FGF12: variants seen among roughly 807,000 people sequenced by gnomAD.
FGF12 encodes the protein fibroblast growth factor 12.
FGF12 carries 14 observed loss-of-function variants against 23.6 expected under a neutral mutation model. That is an observed-to-expected ratio of 0.59 (90% CI 0.39 to 0.93). The LOEUF is 0.93. FGF12 is among the 40% of genes least tolerant of loss of function. The pLI is 0.00. For synonymous variants in FGF12, 62 were observed against 77.3 expected (o/e 0.80, Z 1.04); for missense variants, 175 against 217.8 (o/e 0.80, Z 1.24).
chr3:192,303,281 T>A (rs987402804), intron 4 of FGF12, among the ~76,000 whole-genome samples: 2 of 152,184 alleles, frequency 1.3e-5, no homozygotes, highest in African/African-American at 4.8e-5. Flanking sequence ...AGAGATTTTG[T>A]CACGTTAGTA....
In FGF12 at chr3:192,144,083, G is replaced by GT; in HGVS notation, c.471dup (p.Gln158ThrfsTer51). The GT allele has an allele frequency of 6.2e-7, 1 of 1,613,646 alleles. No individual in the cohort carries two copies. Among genetic ancestry groups the GT allele is most frequent in the South Asian group, 1.1e-5 (1 of 91,076 alleles). On this transcript the variant is annotated frameshift_variant, in exon 6 of 6. Transcript: ENST00000445105. LOFTEE classifies it high-confidence loss of function. ...CCAGAACTTTTCCTTGAACGCCCTTGTTTTTCTCCAATTTCATGTAGCGAT... is the reference window on the plus strand; with the variant it reads ...CCAGAACTTTTCCTTGAACGCCCTTGTTTTTTCTCCAATTTCATGTAGCGAT...
intron 2 of FGF12, among the ~76,000 whole-genome samples, chr3:192,461,254 T>C (rs1161990265): frequency 6.6e-6 from 1 of 152,158 alleles, no homozygotes; most frequent in Non-Finnish European, 1.5e-5. Flanking sequence ...ATGATCCACA[T>C]GCACACCTCC....
chr3:192,139,749 A>G lies in FGF12; in HGVS notation c.*4260T>C, dbSNP rs1216522528. ...TGCTTCCGTCTGTTACTAAAGCTCA[A>G]TACATCATTCTGAACATTATTAATT... On this transcript the variant is annotated 3_prime_UTR_variant, in exon 6 of 6. Coordinates refer to ENST00000445105, the MANE Select transcript of FGF12 (RefSeq NM_004113.6). 6.6e-6 allele frequency: 1 copy of G among 152,086 alleles called. No individual in the cohort carries two copies. The highest frequency in any genetic ancestry group is 1.5e-5 in the Non-Finnish European group (1 of 67,964). The allele number at this position is 152,086 out of a possible 1,614,324, so 9.4% of individuals were successfully genotyped here. A position where few individuals can be genotyped will look rare whatever the true frequency, so the allele number is the denominator to read the frequency against.
At chr3:192,340,074 C>G (rs1231371703) in intron 3 of FGF12, among the ~76,000 whole-genome samples, 1 of 152,032 alleles carries the variant, frequency 6.6e-6, no homozygotes, top group Non-Finnish European at 1.5e-5. Flanking sequence ...CTGAGTGCTT[C>G]TAGTAATTTG....
intron 2 of FGF12, among the ~76,000 whole-genome samples, chr3:192,667,726 T>C (rs972636181): frequency 2.0e-5 from 3 of 148,918 alleles, no homozygotes; most frequent in Non-Finnish European, 3.0e-5. Flanking sequence ...TGAAACAGCA[T>C]AGAGTATCTG....
At chr3:192,623,250 G>A (rs769871785) in intron 2 of FGF12, among the ~76,000 whole-genome samples, 12 of 152,144 alleles carry the variant, frequency 7.9e-5, no homozygotes, top group African/African-American at 1.7e-4. Flanking sequence ...GAGCACAGAG[G>A]GGGGTATCAT....
chr3:192,144,872 T>C (rs538149923), intron 5 of FGF12, among the ~76,000 whole-genome samples: 1 of 152,332 alleles, frequency 6.6e-6, no homozygotes, highest in East Asian at 1.9e-4. Flanking sequence ...ATTCAAGTTA[T>C]TCTTACAAAA....
chr3:192,598,781 C>T (rs958096995), intron 2 of FGF12, among the ~76,000 whole-genome samples: 1 of 152,106 alleles, frequency 6.6e-6, no homozygotes, highest in Non-Finnish European at 1.5e-5. Flanking sequence ...ATTTCAAATC[C>T]AAAGAGTGGA....
intron 2 of FGF12, among the ~76,000 whole-genome samples, chr3:192,530,261 A>G (rs1725053024): frequency 6.6e-6 from 1 of 152,146 alleles, no homozygotes; most frequent in Admixed American, 6.5e-5. Flanking sequence ...CATTTACTGG[A>G]TGAGACGACT....
At chr3:192,573,247 A>G (rs1272281330) in intron 2 of FGF12, among the ~76,000 whole-genome samples, 1 of 152,186 alleles carries the variant, frequency 6.6e-6, no homozygotes, top group East Asian at 1.9e-4. Context: ...GAGCTTAAAA[A>G]AAAAAAAGGA....
intron 2 of FGF12, among the ~76,000 whole-genome samples, chr3:192,573,256 G>T (rs986521441): frequency 7.3e-4 from 111 of 151,370 alleles, no homozygotes; most frequent in African/African-American, 2.5e-3. Context: ...AAAAAAAAAG[G>T]ATAGTCAATA....
At chr3:192,322,137 A>T (rs961819050) in intron 4 of FGF12, among the ~76,000 whole-genome samples, 6 of 152,186 alleles carry the variant, frequency 3.9e-5, no homozygotes, top group African/African-American at 1.4e-4. Context: ...CAGGGTACAA[A>T]ATCAACATAC....
chr3:192,542,270 G>A (rs181815527), intron 2 of FGF12, among the ~76,000 whole-genome samples: 127 of 152,110 alleles, frequency 8.3e-4, no homozygotes, highest in Non-Finnish European at 1.5e-4. Context: ...GATTTATTCT[G>A]CTGATAAGAG....
chr3:192,201,891 A>G (rs1293473069), intron 4 of FGF12, among the ~76,000 whole-genome samples: 2 of 152,210 alleles, frequency 1.3e-5, no homozygotes, highest in African/African-American at 4.8e-5. Flanking sequence ...ATATACACAT[A>G]AACCTCTGGG....
rs189210962 is a variant in FGF12 at position 192,687,357 on chromosome 3, G to A, written c.13+39824C>T. ...TCTTGGTGGCAGTGAAGACTCTCAC[G>A]CCCCACACATGGCACATATTCCATA... On this transcript the variant is annotated intron_variant, in intron 2 of 5. Coordinates refer to ENST00000445105, the MANE Select transcript of FGF12 (RefSeq NM_004113.6). Among the ~76,000 whole-genome samples the A allele has an allele frequency of 4.9e-4, 75 of 151,926 alleles. 1 individual carries two copies. Among genetic ancestry groups the A allele is most frequent in the African/African-American group, 1.7e-3 (69 of 41,418 alleles).
At position 192,595,590 on chromosome 3, in the gene FGF12, C is replaced by T. The variant is rs544746109; in HGVS notation, c.13+131591G>A. 5.3e-5 allele frequency among the ~76,000 whole-genome samples: 8 copies of T among 152,332 alleles called. No homozygotes were observed. In the South Asian group the frequency reaches 1.7e-3, roughly 32 times the overall value. On this transcript the variant is annotated intron_variant, in intron 2 of 5. Coordinates refer to ENST00000445105, the MANE Select transcript of FGF12 (RefSeq NM_004113.6). ...CTGGGCTACACCCCAGAGTATCTGA[C>T]TCAGTAGGCCTGGGGTGAGACTCAA...
chr3:192,372,391 T>TCACACACACA (rs58664869), intron 2 of FGF12, among the ~76,000 whole-genome samples: 2,773 of 149,052 alleles, frequency 0.019, 72 homozygotes, highest in African/African-American at 0.062. Flanking sequence ...TTTCATACCA[T>TCACACACACA]CACACACACA....
At chr3:192,170,199 C>T (rs555154212) in intron 5 of FGF12, among the ~76,000 whole-genome samples, 1 of 138,664 alleles carries the variant, frequency 7.2e-6, no homozygotes, top group South Asian at 2.4e-4. Flanking sequence ...AGGAGAATTG[C>T]TCGAATCCGG....
intron 4 of FGF12, among the ~76,000 whole-genome samples, chr3:192,308,099 T>C (rs987515574): frequency 6.6e-6 from 1 of 152,152 alleles, no homozygotes; most frequent in Non-Finnish European, 1.5e-5. Context: ...ATTATAATAC[T>C]AATGAAAAAA....
Sources: gnomAD v4.1 joint callset for allele counts (sites outside exome capture counted in the v4.1 genomes callset) on GRCh38, gnomAD v4.1.1 for gene constraint, MANE v1.5 for transcripts, NCBI Gene and HGNC (gene_info 2026-07-23, HGNC 2026-07-21) for gene names.